The following DLG2 variants were observed in gnomAD, a reference collection of about 807,000 sequenced individuals.
The protein encoded by DLG2 is disks large homolog 2.
In DLG2, 45 loss-of-function variants were observed where a neutral mutation model predicts 132.5. The observed-to-expected ratio is 0.34, with a 90% CI of 0.27 to 0.44. The LOEUF is 0.44. Ranked by LOEUF, DLG2 falls within the 20% of genes least tolerant of loss-of-function variation. DLG2 has a pLI of 1.00. For missense variants in DLG2, 1,045 were observed against 1,196.9 expected, an observed-to-expected ratio of 0.87 and a Z score of 1.87; for synonymous variants, 424 against 419.6, an observed-to-expected ratio of 1.01 and a Z score of -0.13.
chr11:85,330,777 T>TAA (rs1278273258), intron 3 of DLG2, among the ~76,000 whole-genome samples: 1 of 43,332 alleles, frequency 2.3e-5, no homozygotes, highest in Non-Finnish European at 4.7e-5. Flanking sequence ...TAGAGTATAA[T>TAA]AAAAAAAAAA....
intron 6 of DLG2, among the ~76,000 whole-genome samples, chr11:84,666,447 T>A (rs529207059): frequency 5.3e-5 from 8 of 152,248 alleles, no homozygotes; most frequent in Non-Finnish European, 1.2e-4. Flanking sequence ...TTCATTATAA[T>A]AAATCTCTTT....
intron 6 of DLG2, among the ~76,000 whole-genome samples, chr11:84,788,190 G>A (rs1345173735): frequency 6.6e-6 from 1 of 150,698 alleles, no homozygotes; most frequent in Non-Finnish European, 1.5e-5. Flanking sequence ...GTAGCCAGCA[G>A]GTAAAAACAA....
intron 8 of DLG2, among the ~76,000 whole-genome samples, chr11:84,183,861 T>A: frequency 6.6e-6 from 1 of 152,134 alleles, no homozygotes; most frequent in Non-Finnish European, 1.5e-5. Context: ...TTGCTGAGAA[T>A]GACGGTTTCC....
At chr11:85,221,768 G>C (rs915592774) in intron 4 of DLG2, among the ~76,000 whole-genome samples, 1 of 152,178 alleles carries the variant, frequency 6.6e-6, no homozygotes, top group African/African-American at 2.4e-5. Context: ...GGTCATATCT[G>C]ATGGCAAAAT....
intron 14 of DLG2, among the ~76,000 whole-genome samples, chr11:83,952,517 G>A (rs1380800950): frequency 3.3e-5 from 5 of 152,178 alleles, no homozygotes; most frequent in Non-Finnish European, 7.4e-5. Context: ...GATGAAGGCA[G>A]AAAGATTGTA....
intron 3 of DLG2, among the ~76,000 whole-genome samples, chr11:85,426,359 T>C (rs1479342537): frequency 6.6e-6 from 1 of 152,154 alleles, no homozygotes; most frequent in Non-Finnish European, 1.5e-5. Context: ...CTGAGTAGCC[T>C]AACTGGGAGG....
chr11:84,054,037 G>C (rs531157746), intron 11 of DLG2, among the ~76,000 whole-genome samples: 1 of 152,026 alleles, frequency 6.6e-6, no homozygotes, highest in Non-Finnish European at 1.5e-5. Flanking sequence ...TTATTAATGA[G>C]TAAGGTGGCT....
At chr11:85,157,012 G>C (rs1266545396) in intron 4 of DLG2, among the ~76,000 whole-genome samples, 1 of 152,196 alleles carries the variant, frequency 6.6e-6, no homozygotes, top group African/African-American at 2.4e-5. Context: ...GGGAAAGGCA[G>C]ACTTATCCTT....
At chr11:84,794,965 A>G (rs2074369883) in intron 6 of DLG2, among the ~76,000 whole-genome samples, 2 of 152,200 alleles carry the variant, frequency 1.3e-5, no homozygotes, top group Admixed American at 1.3e-4. Context: ...CAGGAGGCAG[A>G]TAAGCTCCTG....
chr11:84,330,487 T>C (rs1480362222), intron 7 of DLG2, among the ~76,000 whole-genome samples: 1 of 152,220 alleles, frequency 6.6e-6, no homozygotes, highest in East Asian at 1.9e-4. Flanking sequence ...TTTCCCATGG[T>C]CACAGCATTA....
At chr11:85,587,323 T>C (rs2079034918) in intron 3 of DLG2, among the ~76,000 whole-genome samples, 1 of 152,184 alleles carries the variant, frequency 6.6e-6, no homozygotes, top group African/African-American at 2.4e-5. Flanking sequence ...ATTATTGTGT[T>C]GCCATCTATC....
At chr11:84,170,586 T>C (rs969236845) in intron 8 of DLG2, among the ~76,000 whole-genome samples, 3 of 152,074 alleles carry the variant, frequency 2.0e-5, no homozygotes, top group African/African-American at 7.2e-5. Context: ...ATAGAGGAGA[T>C]GGGATGAGCT....
intron 4 of DLG2, among the ~76,000 whole-genome samples, chr11:85,271,940 G>T (rs560845449): frequency 3.3e-5 from 5 of 152,320 alleles, no homozygotes; most frequent in African/African-American, 1.2e-4. Flanking sequence ...GACTTTGGGA[G>T]ACTTTTGGGA....
At chr11:85,506,438 A>T (rs528459489) in intron 3 of DLG2, among the ~76,000 whole-genome samples, 3 of 152,320 alleles carry the variant, frequency 2.0e-5, no homozygotes, top group Non-Finnish European at 4.4e-5. Flanking sequence ...TTGGTTTCAA[A>T]GGACATCTTT....
At chr11:83,666,068 C>T (rs1388575501) in intron 18 of DLG2, among the ~76,000 whole-genome samples, 1 of 152,070 alleles carries the variant, frequency 6.6e-6, no homozygotes, top group African/African-American at 2.4e-5. Flanking sequence ...TCAAGATTAG[C>T]CCCTTCCATT....
chr11:83,991,887 T>G (rs1028226615), intron 11 of DLG2, among the ~76,000 whole-genome samples: 1 of 152,138 alleles, frequency 6.6e-6, no homozygotes, highest in African/African-American at 2.4e-5. Context: ...AGATGTGACT[T>G]AAGAAGATGA....
chr11:83,974,752 A>G (rs1255450637), intron 12 of DLG2, among the ~76,000 whole-genome samples: 1 of 152,054 alleles, frequency 6.6e-6, no homozygotes, highest in Non-Finnish European at 1.5e-5. Context: ...AAGACCAAAG[A>G]TGGATGTGAC....
chr11:83,945,092 C>A (rs1015076733), intron 14 of DLG2, among the ~76,000 whole-genome samples: 27 of 152,224 alleles, frequency 1.8e-4, no homozygotes, highest in African/African-American at 6.3e-4. Context: ...CAACAACAAA[C>A]TTTCACGGTG....
At chr11:84,060,708 A>C (rs1223582018) in intron 10 of DLG2, among the ~76,000 whole-genome samples, 1 of 152,092 alleles carries the variant, frequency 6.6e-6, no homozygotes, top group African/African-American at 2.4e-5. Flanking sequence ...GAGATTACAA[A>C]AATTTCTTTC....
Sources: gnomAD v4.1 joint callset for allele counts (sites outside exome capture counted in the v4.1 genomes callset) on GRCh38, gnomAD v4.1.1 for gene constraint, MANE v1.5 for transcripts, NCBI Gene and HGNC (gene_info 2026-07-23, HGNC 2026-07-21) for gene names.